Variants in ANKRD55 observed in about 807,000 individuals in gnomAD.
ANKRD55 encodes ankyrin repeat domain 55.
ANKRD55 carries 41 observed loss-of-function variants against 60.6 expected under a neutral mutation model. The ratio of observed to expected loss-of-function variants is 0.68; its 90% CI spans 0.53 to 0.88. The LOEUF is 0.88. Among genes scored for constraint, ANKRD55 ranks in the 40% least tolerant of loss-of-function variants. The pLI is 0.00. For synonymous variants in ANKRD55, 264 were observed against 290.3 expected (o/e 0.91, Z 0.92); for missense variants, 732 against 767.6 (o/e 0.95, Z 0.55).
chr5:56,141,477 C>A (rs1229204471), intron 7 of ANKRD55, among the ~76,000 whole-genome samples: 1 of 152,180 alleles, frequency 6.6e-6, no homozygotes, highest in Non-Finnish European at 1.5e-5. Context: ...GAGGCCTGGA[C>A]GTGAGTATTG....
chr5:56,127,647 AACTGTCTGAGCAGAGGCTAC>A (rs1174157985), intron 7 of ANKRD55: 2 of 838,850 alleles, frequency 2.4e-6, no homozygotes, highest in Admixed American at 1.2e-4. Flanking sequence ...TGGGAAGCAG[AACTGTCTGAGCAGAGGCTAC>A]AGTCTTGTAT....
chr5:56,121,939 G>A (rs1757078064), intron 8 of ANKRD55, among the ~76,000 whole-genome samples: 1 of 152,178 alleles, frequency 6.6e-6, no homozygotes, highest in African/African-American at 2.4e-5. Flanking sequence ...AGGAGGTCAA[G>A]GCTTGGCTTT....
At chr5:56,127,344 G>A in intron 7 of ANKRD55, 1 of 985,322 alleles carries the variant, frequency 1.0e-6, no homozygotes, top group Non-Finnish European at 1.2e-6. Context: ...GAGCTAAATT[G>A]TCTTCCATAA....
chr5:56,111,181 G>A lies in ANKRD55; in HGVS notation c.1567C>T (p.Arg523Trp), dbSNP rs1187629540. The change falls in exon 10 of 12, where the codon CGG becomes TGG. Residue 523 changes from arginine (R) to tryptophan (W), a missense_variant. By Grantham distance (101) the Arg-to-Trp change is moderately radical. Transcript: ENST00000341048. ...ACGGAGACCTCTTGGTGACCAGGCC[G>A]GACACTGAGCAATCTGTCCAGCAGC... Reference protein sequence around the residue: ...DKLLDRLLSVRPGHQEVSVPP... With the variant: ...DKLLDRLLSVWPGHQEVSVPP... 21 of 1,614,200 alleles carry A rather than the reference G, an allele frequency of 1.3e-5. No homozygotes were observed. Among genetic ancestry groups the A allele is most frequent in the Non-Finnish European group, 1.5e-5 (18 of 1,180,036 alleles).
In ANKRD55 at chr5:56,205,159, C is replaced by T. The variant is rs534103935; in HGVS notation, c.59-21525G>A. Among the ~76,000 whole-genome samples the T allele has an allele frequency of 9.2e-5, 14 of 152,274 alleles. No homozygotes were observed. The South Asian group carries it at 1.5e-3, about 16-fold the overall frequency. On this transcript the variant is annotated intron_variant, in intron 2 of 11. Transcript: ENST00000341048. ...CACTGCAAGCTCCGCTTCCTGGGTCCGAACCATTCTCCTGCCTCAGCCTCC... is the reference window on the plus strand; with the variant it reads ...CACTGCAAGCTCCGCTTCCTGGGTCTGAACCATTCTCCTGCCTCAGCCTCC...
At chr5:56,221,227 T>G (rs2111889453) in intron 2 of ANKRD55, among the ~76,000 whole-genome samples, 1 of 152,350 alleles carries the variant, frequency 6.6e-6, no homozygotes, top group South Asian at 2.1e-4. Flanking sequence ...CCATTCAAAA[T>G]TTGCTTATTC....
chr5:56,121,724 G>C (rs557218680), intron 8 of ANKRD55, among the ~76,000 whole-genome samples: 1 of 152,166 alleles, frequency 6.6e-6, no homozygotes, highest in African/African-American at 2.4e-5. Flanking sequence ...GAGGGGAATG[G>C]GAGCCTTTCA....
chr5:56,110,905 TTGA>T (rs1027417882), intron 10 of ANKRD55: 4 of 593,894 alleles, frequency 6.7e-6, no homozygotes, highest in Admixed American at 6.2e-5. Context: ...ATATTTGTAC[TTGA>T]TGATTACTTG....
intron 6 of ANKRD55, among the ~76,000 whole-genome samples, chr5:56,156,068 ACACTCTGGT>A (rs1018561383): frequency 2.6e-5 from 4 of 152,166 alleles, no homozygotes; most frequent in African/African-American, 9.7e-5. Flanking sequence ...ATGAGGTAGC[ACACTCTGGT>A]CACTCTGCCC....
intron 5 of ANKRD55, 95 bp downstream of exon 5, chr5:56,170,599 C>A: frequency 5.7e-6 from 5 of 870,416 alleles, no homozygotes; most frequent in East Asian, 2.8e-5. Context: ...TTTTCTTTTT[C>A]TTTTTTTATC....
chr5:56,145,316 G>A (rs1757870269), intron 6 of ANKRD55, among the ~76,000 whole-genome samples: 1 of 152,204 alleles, frequency 6.6e-6, no homozygotes, highest in African/African-American at 2.4e-5. Flanking sequence ...CTTGCCATTG[G>A]AATGTGGACA....
chr5:56,230,034 G>A (rs2111902675), intron 2 of ANKRD55, among the ~76,000 whole-genome samples: 1 of 152,294 alleles, frequency 6.6e-6, no homozygotes, highest in South Asian at 2.1e-4. Flanking sequence ...AACCACTGCA[G>A]TTAAACTGGA....
At chr5:56,200,280 C>T (rs1320796694) in intron 2 of ANKRD55, among the ~76,000 whole-genome samples, 3 of 151,880 alleles carry the variant, frequency 2.0e-5, no homozygotes, top group Non-Finnish European at 4.4e-5. Flanking sequence ...ATGTATTTTG[C>T]TAATTCTGAC....
chr5:56,133,941 A>T (rs1757490113), intron 7 of ANKRD55, among the ~76,000 whole-genome samples: 1 of 114,450 alleles, frequency 8.7e-6, no homozygotes, highest in Non-Finnish European at 2.1e-5. Context: ...AGAAAAGAAA[A>T]AATAAAAATT....
At chr5:56,187,131 T>C (rs1165756060) in intron 2 of ANKRD55, among the ~76,000 whole-genome samples, 1 of 152,172 alleles carries the variant, frequency 6.6e-6, no homozygotes, top group Non-Finnish European at 1.5e-5. Context: ...TCTAATTAGA[T>C]AGTATTTAAT....
At chr5:56,190,880 C>A (rs1759079049) in intron 2 of ANKRD55, among the ~76,000 whole-genome samples, 2 of 152,220 alleles carry the variant, frequency 1.3e-5, no homozygotes, top group South Asian at 4.1e-4. Flanking sequence ...CTCCAATCAC[C>A]TCTAAAAAGC....
At chr5:56,208,962 C>T (rs1759587700) in intron 2 of ANKRD55, among the ~76,000 whole-genome samples, 1 of 150,920 alleles carries the variant, frequency 6.6e-6, no homozygotes, top group Non-Finnish European at 1.5e-5. Flanking sequence ...TGCTCTTTTT[C>T]ACTTTTTTTT....
intron 10 of ANKRD55, among the ~76,000 whole-genome samples, chr5:56,109,762 C>CT (rs1444673497): frequency 9.2e-5 from 14 of 152,156 alleles, no homozygotes; most frequent in African/African-American, 3.4e-4. Flanking sequence ...TGGCTCACGC[C>CT]TGTAATCCCA....
chr5:56,156,487 T>G (rs1758197710), intron 6 of ANKRD55, among the ~76,000 whole-genome samples: 1 of 152,222 alleles, frequency 6.6e-6, no homozygotes, highest in Non-Finnish European at 1.5e-5. Flanking sequence ...AACTATGTCT[T>G]TGCTGGGGGG....
Sources: gnomAD v4.1 joint callset for allele counts (sites outside exome capture counted in the v4.1 genomes callset) on GRCh38, gnomAD v4.1.1 for gene constraint, MANE v1.5 for transcripts, NCBI Gene and HGNC (gene_info 2026-07-23, HGNC 2026-07-21) for gene names.